The following OSTN variants were observed in gnomAD, a reference collection of about 807,000 sequenced individuals.
OSTN encodes osteocrin.
OSTN carries 9 observed loss-of-function variants against 12.0 expected under a neutral mutation model. That is an observed-to-expected ratio of 0.75 (90% CI 0.45 to 1.30). The LOEUF (loss-of-function observed/expected upper bound fraction) is 1.30. Among genes scored for constraint, OSTN ranks in the 50% most tolerant of loss-of-function variants. The probability of loss-of-function intolerance (pLI) is 0.00; values close to 1 mark genes in which losing one functional copy is unlikely to be tolerated. For missense variants in OSTN, 148 were observed against 152.3 expected (o/e 0.97, Z 0.15); for synonymous variants, 59 against 56.9 (o/e 1.04, Z -0.16).
At chr3:191,219,344 G>C (rs1049590842) in intron 3 of OSTN, among the ~76,000 whole-genome samples, 3 of 152,332 alleles carry the variant, frequency 2.0e-5, no homozygotes, top group Middle Eastern at 3.4e-3. Context: ...GTTTTTACCT[G>C]TGATGCAAAC....
intron 1 of OSTN, among the ~76,000 whole-genome samples, chr3:191,204,133 G>T (rs1282014796): frequency 6.6e-6 from 1 of 152,052 alleles, no homozygotes; most frequent in East Asian, 1.9e-4. Flanking sequence ...CAGGTGATCT[G>T]CCCACCTCGG....
At position 191,264,860 on chromosome 3, in the gene OSTN, C is replaced by A. The variant is rs1277056482; in HGVS notation, c.*2007C>A. ...TTGGATTATGCAAATTGATTTCCTC[C>A]ATTCTTTATTTTTTAATTCAAAATT... On this transcript the variant is annotated 3_prime_UTR_variant, in exon 5 of 5. Coordinates refer to ENST00000682035, the MANE Select transcript of OSTN (RefSeq NM_198184.2). 2 of 152,102 alleles carry A rather than the reference C, an allele frequency of 1.3e-5. No individual in the cohort carries two copies. Among genetic ancestry groups the A allele is most frequent in the African/African-American group, 4.8e-5 (2 of 41,430 alleles). The allele number at this position is 152,102 out of a possible 1,614,324, so 9.4% of individuals were successfully genotyped here.
intron 1 of OSTN, among the ~76,000 whole-genome samples, chr3:191,210,374 C>T (rs891693065): frequency 4.6e-5 from 7 of 152,122 alleles, no homozygotes; most frequent in African/African-American, 1.7e-4. Context: ...GAAAGAGCCA[C>T]AGTAACAATT....
At chr3:191,209,085 GGAGGCA>G (rs1418374914) in intron 1 of OSTN, among the ~76,000 whole-genome samples, 2 of 152,204 alleles carry the variant, frequency 1.3e-5, no homozygotes, top group Non-Finnish European at 2.9e-5. Context: ...CTTAAACCTG[GGAGGCA>G]GAGGTTGCAG....
rs144181424 is a variant in OSTN, at chr3:191,259,481, G to A, written c.*13-3385G>A. ...CTCCCGAAGTGCTGGGATTACAGGC[G>A]TGAGCCACCTTGCCTGGATTTTTTT... On this transcript the variant is annotated intron_variant, in intron 4 of 4. Transcript: ENST00000682035. Among the ~76,000 whole-genome samples the A allele has an allele frequency of 2.1e-3, 303 of 144,724 alleles. 6 individuals carry two copies. Among genetic ancestry groups the A allele is most frequent in the African/African-American group, 7.3e-3 (291 of 39,792 alleles). 94.9% of individuals were successfully genotyped at this position (144,724 alleles called of 152,430 possible). A position where few individuals can be genotyped will look rare whatever the true frequency, so the allele number is the denominator to read the frequency against.
intron 3 of OSTN, among the ~76,000 whole-genome samples, chr3:191,225,933 C>T (rs1714897836): frequency 6.6e-6 from 1 of 152,006 alleles, no homozygotes; most frequent in Admixed American, 6.6e-5. Context: ...CCCAATAAAC[C>T]CATGTAGCAA....
chr3:191,246,617 AGAAAGAAAG>A (rs1467464158), intron 3 of OSTN, among the ~76,000 whole-genome samples: 1 of 114,614 alleles, frequency 8.7e-6, no homozygotes, highest in Non-Finnish European at 2.2e-5. Context: ...AAAAAAAAAA[AGAAAGAAAG>A]AAAGAAAGAA....
intron 1 of OSTN, among the ~76,000 whole-genome samples, chr3:191,204,587 G>T (rs75067848): frequency 6.6e-6 from 1 of 152,118 alleles, no homozygotes; most frequent in Non-Finnish European, 1.5e-5. Context: ...GACTGGAATC[G>T]CAGTTTCAAT....
intron 3 of OSTN, among the ~76,000 whole-genome samples, chr3:191,225,476 A>C (rs897968966): frequency 6.6e-6 from 1 of 152,118 alleles, no homozygotes; most frequent in Non-Finnish European, 1.5e-5. Context: ...TCCTGAAACA[A>C]GTGTCATATT....
In OSTN at chr3:191,206,312, T is replaced by C. The variant is rs890915977; in HGVS notation, c.1-6221T>C. The stretch of plus-strand genomic sequence containing the variant: ...GTCTTACATTTGATAAGCATATCAA[T>C]TTAATTGGTAGCATTGTTTTTTCTT... On this transcript the variant is annotated intron_variant, in intron 1 of 4. Coordinates refer to ENST00000682035, the MANE Select transcript of OSTN (RefSeq NM_198184.2). 2.0e-5 allele frequency among the ~76,000 whole-genome samples: 3 copies of C among 152,350 alleles called. 1 individual carries two copies. Among genetic ancestry groups the C allele is most frequent in the Admixed American group, 1.3e-4 (2 of 15,304 alleles).
intron 4 of OSTN, among the ~76,000 whole-genome samples, chr3:191,256,667 T>C (rs1210822132): frequency 1.3e-5 from 2 of 151,010 alleles, no homozygotes; most frequent in African/African-American, 2.4e-5. Flanking sequence ...GCAAATAAAA[T>C]TTTTTACTAC....
chr3:191,219,154 G>A (rs566997777), intron 3 of OSTN, among the ~76,000 whole-genome samples, 193 bp downstream of exon 3: 5 of 152,258 alleles, frequency 3.3e-5, no homozygotes, highest in African/African-American at 4.8e-5. Flanking sequence ...AATGACTGCC[G>A]CAGTGTGCCT....
intron 3 of OSTN, among the ~76,000 whole-genome samples, chr3:191,246,683 A>G (rs1409517597): frequency 6.6e-6 from 1 of 151,826 alleles, no homozygotes; most frequent in Non-Finnish European, 1.5e-5. Context: ...AAGAGGAAGA[A>G]GAGGAAGAGG....
chr3:191,218,654 A>G (rs1714683946), intron 2 of OSTN, 93 bp from the exon 3 acceptor site: 7 of 962,528 alleles, frequency 7.3e-6, no homozygotes, highest in South Asian at 1.6e-5. Context: ...CATGATGAGT[A>G]TGTCAGCTAA....
intron 2 of OSTN, among the ~76,000 whole-genome samples, chr3:191,213,096 C>A (rs1714507269): frequency 6.6e-6 from 1 of 151,922 alleles, no homozygotes; most frequent in Non-Finnish European, 1.5e-5. Flanking sequence ...GTCTTGAACT[C>A]CTGACCTCGA....
Position 191,218,217 on chromosome 3 carries a change from T to G in OSTN, c.103-530T>G, listed in dbSNP as rs542422408. On this transcript the variant is annotated intron_variant, in intron 2 of 4. Transcript: ENST00000682035. ...GTAAATATGCTAAATTTTAAAGCATTCCAGGAGTTTTTCTTTTCTTTTCTT... is the reference window on the plus strand; with the variant it reads ...GTAAATATGCTAAATTTTAAAGCATGCCAGGAGTTTTTCTTTTCTTTTCTT... Among the ~76,000 whole-genome samples the G allele has an allele frequency of 3.9e-5, 6 of 152,304 alleles. No homozygotes were observed. The South Asian group carries it at 1.2e-3, about 32-fold the overall frequency.
intron 2 of OSTN, among the ~76,000 whole-genome samples, chr3:191,212,867 C>CTTTTTTTTTT (rs397991965): frequency 5.7e-3 from 533 of 93,092 alleles, no homozygotes; most frequent in East Asian, 7.8e-3. Context: ...TCTTTTCTTT[C>CTTTTTTTTTT]TTTTTTTTTT....
intron 4 of OSTN, among the ~76,000 whole-genome samples, chr3:191,252,197 C>A (rs1715574934): frequency 6.6e-6 from 1 of 152,144 alleles, no homozygotes; most frequent in South Asian, 2.1e-4. Flanking sequence ...GCATCTGGGA[C>A]TACAGGCGTG....
intron 2 of OSTN, 45 bp from the exon 3 acceptor site, chr3:191,218,702 G>A (rs1324354529): frequency 2.0e-6 from 3 of 1,510,270 alleles, no homozygotes; most frequent in Admixed American, 1.7e-5. Context: ...CATACTTGGA[G>A]TCTCTTTGTC....
Sources: gnomAD v4.1 joint callset for allele counts (sites outside exome capture counted in the v4.1 genomes callset) on GRCh38, gnomAD v4.1.1 for gene constraint, MANE v1.5 for transcripts, NCBI Gene and HGNC (gene_info 2026-07-23, HGNC 2026-07-21) for gene names.